Variants in ULK4 observed in about 807,000 individuals in gnomAD.
ULK4 encodes inactive serine/threonine-protein kinase ULK4.
A neutral mutation model predicts 160.6 loss-of-function variants in ULK4; 133 were observed. The observed-to-expected ratio is 0.83, with a 90% CI of 0.72 to 0.96. ULK4 has a LOEUF of 0.96. ULK4 is among the 40% of genes least tolerant of loss of function. The probability of loss-of-function intolerance (pLI) is 0.00; values close to 1 mark genes in which losing one functional copy is unlikely to be tolerated. For synonymous variants in ULK4, 534 were observed against 539.8 expected, an observed-to-expected ratio of 0.99 and a Z score of 0.15; for missense variants, 1,580 against 1,499.5, an observed-to-expected ratio of 1.05 and a Z score of -0.89.
intron 35 of ULK4, among the ~76,000 whole-genome samples, chr3:41,267,378 GTA>G: frequency 6.6e-6 from 1 of 152,266 alleles, no homozygotes; most frequent in East Asian, 1.9e-4. Flanking sequence ...ACTCCATGGT[GTA>G]TATGTACCAC....
At position 41,870,337 on chromosome 3, in the gene ULK4, T is replaced by G. The variant is rs1233410842; in HGVS notation, c.1656+13537A>C. On this transcript the variant is annotated intron_variant, in intron 17 of 36. Transcript: ENST00000301831. Reference sequence around the variant, plus strand: ...CCTTCTGAGAGTCAAATCATGTGACTGTTAGATAATTTTATGTAATATTAT... The same window carrying G: ...CCTTCTGAGAGTCAAATCATGTGACGGTTAGATAATTTTATGTAATATTAT... Among the ~76,000 whole-genome samples, 3 of 152,248 alleles carry G rather than the reference T, an allele frequency of 2.0e-5. No homozygotes were observed. The East Asian group carries it at 5.8e-4, about 29-fold the overall frequency.
intron 34 of ULK4, among the ~76,000 whole-genome samples, chr3:41,454,375 A>G (rs955261497): frequency 1.3e-5 from 2 of 150,904 alleles, no homozygotes; most frequent in African/African-American, 4.9e-5. Flanking sequence ...CCCTGTCTCT[A>G]TTAAAAATGC....
rs1378479016 is a variant in ULK4 at position 41,858,162 on chromosome 3, T to G, written c.1657-22191A>C. ...TTTTTTGTTTGTTTTTTTTTTTTTTTTTTTTTTTGGCAGAATCTCACTTTG... is the reference window on the plus strand; with the variant it reads ...TTTTTTGTTTGTTTTTTTTTTTTTTGTTTTTTTTGGCAGAATCTCACTTTG... On this transcript the variant is annotated intron_variant, in intron 17 of 36. Coordinates refer to ENST00000301831, the MANE Select transcript of ULK4 (RefSeq NM_017886.4). 5.5e-5 allele frequency among the ~76,000 whole-genome samples: 8 copies of G among 145,054 alleles called. 1 individual carries two copies. In the East Asian group the frequency reaches 1.2e-3, roughly 22 times the overall value.
intron 30 of ULK4, among the ~76,000 whole-genome samples, chr3:41,637,883 G>C (rs777177099): frequency 1.3e-4 from 20 of 152,030 alleles, no homozygotes; most frequent in African/African-American, 4.6e-4. Context: ...TTTTATCATT[G>C]GGTTGGTTTC....
intron 31 of ULK4, among the ~76,000 whole-genome samples, chr3:41,583,025 G>C (rs1253340957): frequency 2.6e-5 from 4 of 152,152 alleles, no homozygotes; most frequent in Non-Finnish European, 5.9e-5. Context: ...GATGGGGTGG[G>C]AGAGGGAATA....
intron 15 of ULK4, among the ~76,000 whole-genome samples, chr3:41,896,516 A>G (rs1270538912): frequency 6.6e-6 from 1 of 152,156 alleles, no homozygotes; most frequent in Non-Finnish European, 1.5e-5. Context: ...GGCCTCCCAA[A>G]GTGCTGGGAT....
chr3:41,270,430 C>T (rs1308910995), intron 35 of ULK4, among the ~76,000 whole-genome samples: 3 of 135,972 alleles, frequency 2.2e-5, no homozygotes, highest in African/African-American at 3.3e-5. Flanking sequence ...GGTCTGGGTC[C>T]TTAGAGTCAC....
intron 34 of ULK4, among the ~76,000 whole-genome samples, chr3:41,450,772 T>C (rs1267193362): frequency 6.6e-6 from 1 of 152,208 alleles, no homozygotes; most frequent in Non-Finnish European, 1.5e-5. Flanking sequence ...CTACTTTTCT[T>C]CACTTTATAC....
chr3:41,596,246 A>G (rs2031684104), intron 31 of ULK4, among the ~76,000 whole-genome samples: 1 of 152,240 alleles, frequency 6.6e-6, no homozygotes, highest in South Asian at 2.1e-4. Flanking sequence ...CAGGAATCAT[A>G]CACATAAAGC....
At chr3:41,327,610 A>T (rs1156307264) in intron 35 of ULK4, among the ~76,000 whole-genome samples, 1 of 152,202 alleles carries the variant, frequency 6.6e-6, no homozygotes, top group Non-Finnish European at 1.5e-5. Context: ...AATTATGGAA[A>T]TAAGACAGCC....
chr3:41,504,148 T>C (rs977963343), intron 32 of ULK4, among the ~76,000 whole-genome samples: 2 of 152,250 alleles, frequency 1.3e-5, no homozygotes, highest in South Asian at 2.1e-4. Context: ...CTCCCTTCCT[T>C]CCTTCACTTC....
chr3:41,256,482 A>T (rs988550825), intron 35 of ULK4, among the ~76,000 whole-genome samples: 56 of 152,236 alleles, frequency 3.7e-4, no homozygotes, highest in African/African-American at 1.3e-3. Context: ...TAATTCAAGG[A>T]GGGAAGAACA....
In ULK4 at chr3:41,761,800, T is replaced by A. The variant is rs1027898233; in HGVS notation, c.2194-7312A>T. Among the ~76,000 whole-genome samples the A allele has an allele frequency of 4.6e-5, 7 of 152,148 alleles. 1 individual carries two copies. In the East Asian group the frequency reaches 1.3e-3, roughly 29 times the overall value. ...TGCAATAAAACTAGAAATTAGGCTG[T>A]CATGGTGGCTGAAACCTGTAATCCC... On this transcript the variant is annotated intron_variant, in intron 21 of 36. Coordinates refer to ENST00000301831, the MANE Select transcript of ULK4 (RefSeq NM_017886.4).
At chr3:41,308,258 T>C (rs563347332) in intron 35 of ULK4, among the ~76,000 whole-genome samples, 1 of 152,016 alleles carries the variant, frequency 6.6e-6, no homozygotes, top group African/African-American at 2.4e-5. Context: ...CTGAGAGTAA[T>C]ACCCTTAGGG....
At chr3:41,305,981 C>T (rs1309743961) in intron 35 of ULK4, among the ~76,000 whole-genome samples, 2 of 145,068 alleles carry the variant, frequency 1.4e-5, no homozygotes, top group African/African-American at 5.5e-5. Context: ...ACCCTCTGCC[C>T]GGCAACCGCC....
chr3:41,433,813 G>A (rs1029305396), intron 34 of ULK4, among the ~76,000 whole-genome samples: 20 of 152,034 alleles, frequency 1.3e-4, no homozygotes, highest in Admixed American at 1.2e-3. Flanking sequence ...TCCGCCTTCC[G>A]GGTTCACGCC....
At chr3:41,424,696 T>C (rs2082737174) in intron 34 of ULK4, among the ~76,000 whole-genome samples, 1 of 151,864 alleles carries the variant, frequency 6.6e-6, no homozygotes, top group Admixed American at 6.6e-5. Context: ...GGGGCCTGAC[T>C]ATTAAAAGAA....
At chr3:41,662,671 G>A (rs1264198726) in intron 30 of ULK4, among the ~76,000 whole-genome samples, 2 of 152,140 alleles carry the variant, frequency 1.3e-5, no homozygotes, top group Non-Finnish European at 2.9e-5. Flanking sequence ...GAGATGCACT[G>A]CACCTACAGA....
intron 35 of ULK4, among the ~76,000 whole-genome samples, chr3:41,283,782 A>G (rs530592593): frequency 1.5e-4 from 23 of 151,674 alleles, no homozygotes; most frequent in African/African-American, 3.6e-4. Flanking sequence ...ACCGTAGAAC[A>G]AACAAACAAA....
Sources: allele counts gnomAD v4.1 joint callset (sites outside exome capture counted in the v4.1 genomes callset), GRCh38; gene constraint gnomAD v4.1.1; transcripts MANE v1.5; gene names NCBI Gene and HGNC (gene_info 2026-07-23, HGNC 2026-07-21).